Variants in LRRC4C observed in about 807,000 individuals in gnomAD.
LRRC4C encodes leucine-rich repeat-containing protein 4C.
LRRC4C carries 5 observed loss-of-function variants against 33.6 expected under a neutral mutation model. The observed-to-expected ratio is 0.15, with a 90% CI of 0.08 to 0.31. The LOEUF is 0.31. Among genes scored for constraint, LRRC4C ranks in the 10% least tolerant of loss-of-function variants. The pLI, the probability that LRRC4C is intolerant of heterozygous loss-of-function variation, is 1.00. For synonymous variants in LRRC4C, 329 were observed against 302.0 expected (o/e 1.09, Z -0.93); for missense variants, 560 against 796.7 (o/e 0.70, Z 3.58).
chr11:41,430,533 T>C (rs186511995), intron 1 of LRRC4C, among the ~76,000 whole-genome samples: 31 of 152,260 alleles, frequency 2.0e-4, no homozygotes, highest in Non-Finnish European at 4.1e-4. Context: ...GGCAACATAC[T>C]GAGATGCTCA....
intron 3 of LRRC4C, among the ~76,000 whole-genome samples, chr11:40,415,437 T>C (rs1950293515): frequency 6.6e-6 from 1 of 152,142 alleles, no homozygotes; most frequent in African/African-American, 2.4e-5. Context: ...CCACCCTTCC[T>C]TGCTGCCCCA....
At chr11:40,752,044 C>T (rs976696543) in intron 2 of LRRC4C, among the ~76,000 whole-genome samples, 6 of 152,156 alleles carry the variant, frequency 3.9e-5, no homozygotes, top group Non-Finnish European at 7.4e-5. Context: ...AATTGGATGT[C>T]CATGTGCAGA....
In LRRC4C at chr11:40,897,393, G is replaced by A. The variant is rs1592025468; in HGVS notation, c.-407+36242C>T. 5.9e-5 allele frequency among the ~76,000 whole-genome samples: 9 copies of A among 152,294 alleles called. 1 individual carries two copies. The South Asian group carries it at 1.9e-3, about 32-fold the overall frequency. ...AATCAAGAAATCTTAATTGAAACAT[G>A]AGTCAAAGAAAGCAAGTCATGAAGT... On this transcript the variant is annotated intron_variant, in intron 2 of 6. Coordinates refer to ENST00000528697, the MANE Select transcript of LRRC4C (RefSeq NM_001258419.2).
intron 1 of LRRC4C, among the ~76,000 whole-genome samples, chr11:41,067,116 A>T (rs1938307297): frequency 6.6e-6 from 1 of 152,196 alleles, no homozygotes; most frequent in Non-Finnish European, 1.5e-5. Context: ...AAAGACAGAG[A>T]CTGGCAAATT....
chr11:41,437,425 G>GCACACACACACACA (rs58445388), intron 1 of LRRC4C, among the ~76,000 whole-genome samples: 1 of 149,156 alleles, frequency 6.7e-6, no homozygotes, highest in African/African-American at 2.5e-5. Flanking sequence ...GCGCGCGCGC[G>GCACACACACACACA]CACACACACA....
intron 3 of LRRC4C, chr11:40,445,393 A>C (rs7940000): frequency 0.39 from 59,737 of 153,236 alleles, 12,208 homozygotes; most frequent in East Asian, 0.54. Flanking sequence ...AACCAGTTCA[A>C]AGTGTTCTCC....
chr11:41,004,438 A>G (rs10837542), intron 1 of LRRC4C, among the ~76,000 whole-genome samples: 85,274 of 151,952 alleles, frequency 0.56, 24,327 homozygotes, highest in South Asian at 0.67. Flanking sequence ...CCAGAGATAC[A>G]TGAGAAAGGG....
At chr11:40,861,410 T>C (rs1458656648) in intron 2 of LRRC4C, among the ~76,000 whole-genome samples, 1 of 152,148 alleles carries the variant, frequency 6.6e-6, no homozygotes, top group African/African-American at 2.4e-5. Flanking sequence ...ATGTGTGAAA[T>C]TTATTATTCA....
chr11:40,514,185 A>T lies in LRRC4C; in HGVS notation c.-270+133957T>A, dbSNP rs115236302. 6.1e-3 allele frequency among the ~76,000 whole-genome samples: 934 copies of T among 152,328 alleles called. 13 individuals are homozygous for T. Among genetic ancestry groups the T allele is most frequent in the African/African-American group, 0.021 (889 of 41,574 alleles). ...CTTGTTTGGTTGGGTAAAATTGCAT[A>T]CGTTCATGAACCTCTTCTAACTTCA... On this transcript the variant is annotated intron_variant, in intron 3 of 6. Transcript: ENST00000528697.
At chr11:40,858,356 T>C (rs893879662) in intron 2 of LRRC4C, among the ~76,000 whole-genome samples, 1 of 152,084 alleles carries the variant, frequency 6.6e-6, no homozygotes, top group Non-Finnish European at 1.5e-5. Flanking sequence ...TTTGACTAAA[T>C]CTACTTACAT....
chr11:41,230,906 C>CAAAAAAAAA (rs200070136), intron 1 of LRRC4C, among the ~76,000 whole-genome samples: 2 of 104,698 alleles, frequency 1.9e-5, no homozygotes, highest in African/African-American at 4.3e-5. Flanking sequence ...AACAAATTTA[C>CAAAAAAAAA]AAAAAAAAAA....
At chr11:41,185,810 TA>T (rs1299237556) in intron 1 of LRRC4C, among the ~76,000 whole-genome samples, 1 of 151,946 alleles carries the variant, frequency 6.6e-6, no homozygotes, top group Admixed American at 6.5e-5. Flanking sequence ...AGTCACAAAT[TA>T]AAAGACCAAC....
At chr11:40,768,856 G>T (rs984498770) in intron 2 of LRRC4C, among the ~76,000 whole-genome samples, 1 of 152,050 alleles carries the variant, frequency 6.6e-6, no homozygotes, top group Non-Finnish European at 1.5e-5. Flanking sequence ...AGCCACATAT[G>T]ACAGACCCAC....
chr11:41,279,259 G>A (rs936278768), intron 1 of LRRC4C, among the ~76,000 whole-genome samples: 9 of 152,028 alleles, frequency 5.9e-5, no homozygotes, highest in African/African-American at 2.2e-4. Flanking sequence ...GACTAGTGCT[G>A]TGATGAACAT....
chr11:40,186,477 T>C (rs1861410181), intron 5 of LRRC4C, among the ~76,000 whole-genome samples: 1 of 152,164 alleles, frequency 6.6e-6, no homozygotes, highest in Non-Finnish European at 1.5e-5. Context: ...TTGGATATTG[T>C]TGGGGCTGTG....
chr11:41,099,751 G>T (rs574517607), intron 1 of LRRC4C, among the ~76,000 whole-genome samples: 17 of 152,174 alleles, frequency 1.1e-4, no homozygotes, highest in African/African-American at 3.4e-4. Flanking sequence ...ATAGGCAAAA[G>T]CTAGGAGCAG....
chr11:40,751,095 CTATACA>C (rs1362841893), intron 2 of LRRC4C, among the ~76,000 whole-genome samples: 1 of 151,898 alleles, frequency 6.6e-6, no homozygotes, highest in Non-Finnish European at 1.5e-5. Context: ...GAATCTTAAT[CTATACA>C]TAAGAGGAAC....
intron 1 of LRRC4C, among the ~76,000 whole-genome samples, chr11:41,377,268 T>C (rs1274853345): frequency 1.3e-5 from 2 of 152,186 alleles, no homozygotes; most frequent in East Asian, 1.9e-4. Context: ...CTAAGACCCA[T>C]AGTTAAATTG....
intron 1 of LRRC4C, among the ~76,000 whole-genome samples, chr11:41,332,472 T>C (rs533172999): frequency 2.0e-5 from 3 of 152,160 alleles, no homozygotes; most frequent in Non-Finnish European, 4.4e-5. Flanking sequence ...TCTGAAGTTG[T>C]ATATCAGGGG....
Sources: gnomAD v4.1 joint callset for allele counts (sites outside exome capture counted in the v4.1 genomes callset) on GRCh38, gnomAD v4.1.1 for gene constraint, MANE v1.5 for transcripts, NCBI Gene and HGNC (gene_info 2026-07-23, HGNC 2026-07-21) for gene names.